Variants in ARHGAP6 observed in about 807,000 individuals in gnomAD.
ARHGAP6 encodes the protein rho GTPase-activating protein 6.
Under a neutral mutation model 55.7 loss-of-function variants are expected in ARHGAP6, and 16 were observed. The ratio of observed to expected loss-of-function variants is 0.29; its 90% CI spans 0.19 to 0.44. The LOEUF (loss-of-function observed/expected upper bound fraction) is 0.44. Among genes scored for constraint, ARHGAP6 ranks in the 20% least tolerant of loss-of-function variants. The pLI, the probability that ARHGAP6 is intolerant of heterozygous loss-of-function variation, is 1.00. For synonymous variants in ARHGAP6, 382 were observed against 360.9 expected (o/e 1.06, Z -0.66); for missense variants, 698 against 808.9 (o/e 0.86, Z 1.66).
At position 11,527,977 on chromosome X, in the gene ARHGAP6, A is replaced by T. The variant is rs73497036; in HGVS notation, c.588+136264T>A. Among the ~76,000 whole-genome samples the T allele has an allele frequency of 6.4e-3, 721 of 112,645 alleles. 7 individuals carry two copies. The highest frequency in any genetic ancestry group is 0.022 in the African/African-American group (684 of 31,075). Reference sequence around the variant, plus strand: ...CAAATGTAACTGAGTGATTTGCTAAATCTGGCAATTAGTTACATTAGCTGA... The same window carrying T: ...CAAATGTAACTGAGTGATTTGCTAATTCTGGCAATTAGTTACATTAGCTGA... On this transcript the variant is annotated intron_variant, in intron 1 of 12. Transcript: ENST00000337414.
intron 1 of ARHGAP6, among the ~76,000 whole-genome samples, chrX:11,380,658 C>G (rs1449719509): frequency 8.9e-6 from 1 of 111,739 alleles, no homozygotes; most frequent in Non-Finnish European, 1.9e-5. Flanking sequence ...CAAGCTCCCA[C>G]GTGTTGCAGA....
intron 2 of ARHGAP6, among the ~76,000 whole-genome samples, chrX:11,228,271 T>G (rs1400891044): frequency 8.9e-6 from 1 of 112,336 alleles, no homozygotes; most frequent in Non-Finnish European, 1.9e-5. Context: ...GCCATTTTAT[T>G]CAAGCAAACT....
At chrX:11,388,915 C>T (rs1406388437) in intron 1 of ARHGAP6, among the ~76,000 whole-genome samples, 2 of 112,068 alleles carry the variant, frequency 1.8e-5, no homozygotes, top group Admixed American at 1.9e-4. Context: ...AAACAATTCA[C>T]TCAGCCACAA....
chrX:11,209,341 C>T lies in ARHGAP6; in HGVS notation c.749-12345G>A, dbSNP rs188793509. 8.4e-3 allele frequency among the ~76,000 whole-genome samples: 934 copies of T among 111,296 alleles called. 8 individuals are homozygous for T. Among genetic ancestry groups the T allele is most frequent in the African/African-American group, 0.028 (871 of 30,568 alleles). On this transcript the variant is annotated intron_variant, in intron 2 of 12. Coordinates refer to ENST00000337414, the MANE Select transcript of ARHGAP6 (RefSeq NM_013427.3). ...TGCGTTTTTGGGAGAGATGGGGTTT[C>T]GCCATGTTGGCCAGGCTGGTCTCAA...
At chrX:11,664,193 C>G (rs1453439264) in intron 1 of ARHGAP6, 48 bp downstream of exon 1, 3 of 1,123,416 alleles carry the variant, frequency 2.7e-6, no homozygotes, top group Non-Finnish European at 3.6e-6. Flanking sequence ...CTGAAACTGC[C>G]TGGGGGCCTC....
At chrX:11,173,942 T>C (rs1162047038) in intron 8 of ARHGAP6, among the ~76,000 whole-genome samples, 1 of 111,418 alleles carries the variant, frequency 9.0e-6, no homozygotes, top group Non-Finnish European at 1.9e-5. Context: ...TCAGGTTTCA[T>C]CTATGTTGCA....
chrX:11,252,709 G>A (rs2047439858), intron 2 of ARHGAP6, among the ~76,000 whole-genome samples: 1 of 112,424 alleles, frequency 8.9e-6, no homozygotes, highest in South Asian at 3.7e-4. Flanking sequence ...CAAGGCATAT[G>A]CCAGTGAAAT....
chrX:11,616,028 G>C (rs2052160184), intron 1 of ARHGAP6, among the ~76,000 whole-genome samples: 1 of 111,753 alleles, frequency 8.9e-6, no homozygotes, highest in Non-Finnish European at 1.9e-5. Context: ...TGTTGGAGGA[G>C]AAGCGTAGAG....
At chrX:11,245,035 G>A (rs1459925735) in intron 2 of ARHGAP6, among the ~76,000 whole-genome samples, 1 of 111,843 alleles carries the variant, frequency 8.9e-6, no homozygotes, top group Non-Finnish European at 1.9e-5. Flanking sequence ...GCTAGGAAGA[G>A]CATCCAAGAA....
intron 10 of ARHGAP6, among the ~76,000 whole-genome samples, chrX:11,145,529 T>C (rs1312698162): frequency 8.9e-6 from 1 of 111,957 alleles, no homozygotes; most frequent in Non-Finnish European, 1.9e-5. Context: ...CGTAATCTTA[T>C]GGGAAGGAGC....
chrX:11,544,150 G>A (rs749494892), intron 1 of ARHGAP6, among the ~76,000 whole-genome samples: 4 of 112,197 alleles, frequency 3.6e-5, no homozygotes, highest in East Asian at 5.6e-4. Context: ...CACGGAAAGC[G>A]AAACACAGAA....
chrX:11,140,522 AG>A (rs1166337846), intron 12 of ARHGAP6, among the ~76,000 whole-genome samples: 1 of 109,860 alleles, frequency 9.1e-6, no homozygotes, highest in Admixed American at 9.6e-5. Flanking sequence ...AAGACTCTCT[AG>A]GCTCTGAAAC....
intron 2 of ARHGAP6, among the ~76,000 whole-genome samples, chrX:11,216,939 C>T (rs773017636): frequency 9.0e-5 from 10 of 110,619 alleles, no homozygotes; most frequent in Non-Finnish European, 1.7e-4. Context: ...TTGTTCAACT[C>T]CCACTTATGA....
intron 1 of ARHGAP6, among the ~76,000 whole-genome samples, chrX:11,390,398 C>T (rs1364695781): frequency 9.0e-6 from 1 of 111,396 alleles, no homozygotes; most frequent in Non-Finnish European, 1.9e-5. Flanking sequence ...AGGACATAGG[C>T]ATGGGCAAGG....
At chrX:11,458,272 C>A (rs1016028642) in intron 1 of ARHGAP6, among the ~76,000 whole-genome samples, 1 of 112,420 alleles carries the variant, frequency 8.9e-6, no homozygotes, top group African/African-American at 3.2e-5. Flanking sequence ...AGTAAGGCTG[C>A]GGGCCAGGGA....
intron 1 of ARHGAP6, among the ~76,000 whole-genome samples, chrX:11,356,724 A>T: frequency 8.9e-6 from 1 of 111,735 alleles, no homozygotes; most frequent in Non-Finnish European, 1.9e-5. Context: ...CTTCAACACT[A>T]TAGTGATTTA....
intron 1 of ARHGAP6, among the ~76,000 whole-genome samples, chrX:11,429,302 G>A (rs1197642266): frequency 3.6e-5 from 4 of 111,900 alleles, no homozygotes; most frequent in Non-Finnish European, 7.5e-5. Flanking sequence ...ATGGTAATAG[G>A]TGTCATAACA....
intron 1 of ARHGAP6, among the ~76,000 whole-genome samples, chrX:11,622,844 T>C (rs1047806759): frequency 8.9e-6 from 1 of 111,751 alleles, no homozygotes; most frequent in African/African-American, 3.3e-5. Context: ...AATGGCTCTA[T>C]GCCAAGTTTT....
chrX:11,368,203 G>A (rs1475726618), intron 1 of ARHGAP6, among the ~76,000 whole-genome samples: 4 of 112,385 alleles, frequency 3.6e-5, no homozygotes, highest in African/African-American at 6.5e-5. Flanking sequence ...TTATCTAAAC[G>A]GATGCATCTG....
Sources: gnomAD v4.1 joint callset for allele counts (sites outside exome capture counted in the v4.1 genomes callset) on GRCh38, gnomAD v4.1.1 for gene constraint, MANE v1.5 for transcripts, NCBI Gene and HGNC (gene_info 2026-07-23, HGNC 2026-07-21) for gene names.